The following ACSBG2 variants were observed in gnomAD, a reference collection of about 807,000 sequenced individuals.
ACSBG2 encodes the protein long-chain-fatty-acid--CoA ligase ACSBG2.
In ACSBG2, 62 loss-of-function variants were observed where a neutral mutation model predicts 74.7. The ratio of observed to expected loss-of-function variants is 0.83; its 90% CI spans 0.68 to 1.03. The LOEUF is 1.03. Among genes scored for constraint, ACSBG2 ranks in the 50% least tolerant of loss-of-function variants. ACSBG2 has a pLI of 0.00. For missense variants in ACSBG2, 730 were observed against 817.6 expected, an observed-to-expected ratio of 0.89 and a Z score of 1.31; for synonymous variants, 309 against 294.1, an observed-to-expected ratio of 1.05 and a Z score of -0.52.
At chr19:6,138,345 G>A (rs376519940) in intron 1 of ACSBG2, among the ~76,000 whole-genome samples, 4 of 152,004 alleles carry the variant, frequency 2.6e-5, no homozygotes, top group African/African-American at 7.2e-5. Context: ...GGCCTCTCAC[G>A]TGACCAGGAC....
At chr19:6,177,669 A>C (rs2090123726) in intron 8 of ACSBG2, among the ~76,000 whole-genome samples, 1 of 152,206 alleles carries the variant, frequency 6.6e-6, no homozygotes, top group South Asian at 2.1e-4. Context: ...GCGAAACCCT[A>C]TCTCTACAAA....
intron 3 of ACSBG2, among the ~76,000 whole-genome samples, chr19:6,148,845 G>A (rs898397999): frequency 6.6e-6 from 1 of 152,128 alleles, no homozygotes; most frequent in Non-Finnish European, 1.5e-5. Flanking sequence ...GCTCATGCCT[G>A]TAATCCCAGC....
In ACSBG2 at chr19:6,187,643, CT is replaced by C; in HGVS notation, c.1727del (p.Phe576SerfsTer17). The C allele has an allele frequency of 6.2e-7, 1 of 1,614,068 alleles. No individual in the cohort carries two copies. The highest frequency in any genetic ancestry group is 1.1e-5 in the South Asian group (1 of 91,058). On this transcript the variant is annotated frameshift_variant, in exon 13 of 15. Coordinates refer to ENST00000588485, the MANE Select transcript of ACSBG2 (RefSeq NM_030924.5). LOFTEE classifies it high-confidence loss of function. Reference sequence around the variant, plus strand: ...GCGGAGAACCTCTGGACAAGCTGAACTTCGAGGCCATCAACTTCTGTCGGGG... The same window carrying C: ...GCGGAGAACCTCTGGACAAGCTGAACTCGAGGCCATCAACTTCTGTCGGGG... ...MSGEPLDKLN[F>X]EAINFCRGLG...
At chr19:6,181,525 C>T (rs923580012) in intron 8 of ACSBG2, among the ~76,000 whole-genome samples, 1 of 152,052 alleles carries the variant, frequency 6.6e-6, no homozygotes. Flanking sequence ...GTTGTTTCCT[C>T]AATAATCTTT....
intron 10 of ACSBG2, among the ~76,000 whole-genome samples, chr19:6,183,720 A>G (rs1201845174): frequency 1.3e-5 from 2 of 152,158 alleles, no homozygotes; most frequent in African/African-American, 4.8e-5. Flanking sequence ...CAGTCATAGA[A>G]TCTTCTGGTT....
chr19:6,167,983 AC>A (rs147087169), intron 7 of ACSBG2, among the ~76,000 whole-genome samples: 25 of 28,636 alleles, frequency 8.7e-4, no homozygotes, highest in African/African-American at 1.5e-3. Context: ...CCTCACCCCC[AC>A]CCCCAGTCTA....
At chr19:6,182,077 C>T (rs984723890) in intron 8 of ACSBG2, among the ~76,000 whole-genome samples, 4 of 151,980 alleles carry the variant, frequency 2.6e-5, no homozygotes, top group Non-Finnish European at 4.4e-5. Context: ...GGTTGTTCAC[C>T]CTACTTTAGA....
rs150358903 is a variant in ACSBG2 at position 6,147,254 on chromosome 19, G to A, written c.68-192G>A. 8.3e-3 allele frequency among the ~76,000 whole-genome samples: 1,260 copies of A among 152,232 alleles called. 10 individuals are homozygous for A. The highest frequency in any genetic ancestry group is 0.012 in the East Asian group (64 of 5,184). On this transcript the variant is annotated intron_variant, in intron 2 of 14. Coordinates refer to ENST00000588485, the MANE Select transcript of ACSBG2 (RefSeq NM_030924.5). ...ATCCTTTTGACTATTAAAATTTGGC[G>A]GGGCGGGGAATGAAAAAATAAATAA...
intron 7 of ACSBG2, among the ~76,000 whole-genome samples, chr19:6,170,944 C>T (rs1163014358): frequency 6.6e-6 from 1 of 151,626 alleles, no homozygotes; most frequent in East Asian, 1.9e-4. Context: ...TTGAATTTAA[C>T]CCTTTATCAT....
intron 5 of ACSBG2, among the ~76,000 whole-genome samples, chr19:6,157,956 G>A (rs2089478087): frequency 6.6e-6 from 1 of 151,724 alleles, no homozygotes; most frequent in Non-Finnish European, 1.5e-5. Context: ...TCTCTTCCCT[G>A]AGTGCTTGTA....
rs2090218162 is a variant in ACSBG2, at chr19:6,180,546, C to T, written c.907-2205C>T. Among the ~76,000 whole-genome samples, 1 of 152,216 alleles carries T rather than the reference C, an allele frequency of 6.6e-6. No homozygotes were observed. Among genetic ancestry groups the T allele is most frequent in the African/African-American group, 2.4e-5 (1 of 41,456 alleles). On this transcript the variant is annotated intron_variant, in intron 8 of 14. Transcript: ENST00000588485. The surrounding 1 kb of genome is among the most constrained non-coding windows in gnomAD (Gnocchi z 4.3). ...TTACCTACAGGACCTGAGAAGTTCC[C>T]ATTTTCCCACATCCTTACCAACTCC...
chr19:6,157,728 C>T (rs2089471775), intron 5 of ACSBG2, among the ~76,000 whole-genome samples: 1 of 151,900 alleles, frequency 6.6e-6, no homozygotes. Flanking sequence ...TAAGCCCCCA[C>T]TTAAGTAAAA....
At chr19:6,170,625 T>C (rs1174528407) in intron 7 of ACSBG2, among the ~76,000 whole-genome samples, 1 of 152,132 alleles carries the variant, frequency 6.6e-6, no homozygotes, top group Non-Finnish European at 1.5e-5. Context: ...TGATTTTGAT[T>C]TTTTTAAATT....
At chr19:6,159,734 T>C in intron 5 of ACSBG2, among the ~76,000 whole-genome samples, 1 of 152,170 alleles carries the variant, frequency 6.6e-6, no homozygotes, top group East Asian at 1.9e-4. Context: ...TGGAGTTAAA[T>C]AAACTCCAAA....
chr19:6,179,873 A>C (rs1485498057), intron 8 of ACSBG2, among the ~76,000 whole-genome samples: 1 of 152,162 alleles, frequency 6.6e-6, no homozygotes. Context: ...TCAGCCTCCC[A>C]AAATGCTGGG....
At position 6,141,626 on chromosome 19, in the gene ACSBG2, G is replaced by A. The variant is rs1055519382; in HGVS notation, c.67+16G>A. On this transcript the variant is annotated intron_variant, in intron 2 of 14. Coordinates refer to ENST00000588485, the MANE Select transcript of ACSBG2 (RefSeq NM_030924.5). Reference sequence around the variant, plus strand: ...AAAACAGAAGGTATATTGCACTAAAGAGTACGTGGGAGAGAGAGTGGCACA... The same window carrying A: ...AAAACAGAAGGTATATTGCACTAAAAAGTACGTGGGAGAGAGAGTGGCACA... 4 of 1,474,582 alleles carry A rather than the reference G, an allele frequency of 2.7e-6. No individual in the cohort carries two copies. The Admixed American group carries it at 5.0e-5, about 19-fold the overall frequency. 91.3% of individuals were successfully genotyped at this position (1,474,582 alleles called of 1,614,324 possible).
At chr19:6,144,119 T>C (rs2088945434) in intron 2 of ACSBG2, among the ~76,000 whole-genome samples, 1 of 152,204 alleles carries the variant, frequency 6.6e-6, no homozygotes, top group South Asian at 2.1e-4. Context: ...TGCCTCAGCC[T>C]CCAGAGTAGC....
chr19:6,169,994 T>C (rs1430048159), intron 7 of ACSBG2, among the ~76,000 whole-genome samples: 1 of 152,230 alleles, frequency 6.6e-6, no homozygotes, highest in Non-Finnish European at 1.5e-5. Context: ...TAGGGTTTTC[T>C]AGATGTAGAA....
intron 4 of ACSBG2, among the ~76,000 whole-genome samples, chr19:6,154,259 G>A (rs985817072): frequency 1.1e-4 from 16 of 151,036 alleles, no homozygotes; most frequent in African/African-American, 2.4e-4. Context: ...TTAGCCAGGC[G>A]TAGTGGCACA....
Sources: allele counts gnomAD v4.1 joint callset (sites outside exome capture counted in the v4.1 genomes callset), GRCh38; gene constraint gnomAD v4.1.1; non-coding constraint Gnocchi (gnomAD v3.1); transcripts MANE v1.5; gene names NCBI Gene and HGNC (gene_info 2026-07-23, HGNC 2026-07-21).